MGAT5: variants seen among roughly 807,000 people sequenced by gnomAD.
The protein encoded by MGAT5 is alpha-1,6-mannosylglycoprotein 6-beta-N-acetylglucosaminyltransferase.
In MGAT5, 30 loss-of-function variants were observed where a neutral mutation model predicts 94.3. The observed-to-expected ratio is 0.32, with a 90% CI of 0.24 to 0.43. The LOEUF is 0.43. MGAT5 is among the 20% of genes least tolerant of loss of function. The pLI is 1.00. For missense variants in MGAT5, 691 were observed against 905.5 expected, an observed-to-expected ratio of 0.76 and a Z score of 3.04; for synonymous variants, 310 against 322.9, an observed-to-expected ratio of 0.96 and a Z score of 0.43.
chr2:134,284,368 G>A (rs1285773968), intron 2 of MGAT5, among the ~76,000 whole-genome samples: 1 of 152,150 alleles, frequency 6.6e-6, no homozygotes, highest in Non-Finnish European at 1.5e-5. Context: ...TTTACTTACT[G>A]TCTGTGGCTG....
chr2:134,448,958 T>A lies in MGAT5; in HGVS notation c.*111T>A. 8.7e-7 allele frequency: 1 copy of A among 1,146,174 alleles called. No individual in the cohort carries two copies. Among genetic ancestry groups the A allele is most frequent in the Non-Finnish European group, 1.2e-6 (1 of 808,318 alleles). 71.0% of individuals were successfully genotyped at this position (1,146,174 alleles called of 1,614,324 possible). ...CAGGGACTCTGGCAAGAGCCTGAAC[T>A]TTTTCGTAGAAGGTTCTGAATTGGC... On this transcript the variant is annotated 3_prime_UTR_variant, in exon 16 of 16. Transcript: ENST00000281923.
intron 13 of MGAT5, among the ~76,000 whole-genome samples, chr2:134,424,214 G>A (rs983658597): frequency 6.6e-6 from 1 of 152,146 alleles, no homozygotes; most frequent in African/African-American, 2.4e-5. Flanking sequence ...CATATATCCT[G>A]GGAGGGATAG....
At chr2:134,353,892 C>CA (rs1218850963) in intron 9 of MGAT5, among the ~76,000 whole-genome samples, 188 of 151,194 alleles carry the variant, frequency 1.2e-3, no homozygotes, top group African/African-American at 4.3e-3. Flanking sequence ...TTTGCAACAA[C>CA]AAAAAAAAAA....
At chr2:134,234,386 C>T (rs1169539077) in intron 1 of MGAT5, among the ~76,000 whole-genome samples, 1 of 152,222 alleles carries the variant, frequency 6.6e-6, no homozygotes, top group East Asian at 1.9e-4. Context: ...GAATCTCTTC[C>T]TTCAAGAAGT....
At chr2:134,392,562 G>A (rs184482620) in intron 10 of MGAT5, among the ~76,000 whole-genome samples, 7 of 152,256 alleles carry the variant, frequency 4.6e-5, no homozygotes, top group Admixed American at 1.3e-4. Flanking sequence ...GGGGAAGGAA[G>A]GAGCCCAAGA....
chr2:134,278,137 G>A (rs528371651), intron 2 of MGAT5, among the ~76,000 whole-genome samples: 3 of 152,300 alleles, frequency 2.0e-5, no homozygotes, highest in Admixed American at 6.5e-5. Flanking sequence ...TATGTTTACC[G>A]AAAATTCTTC....
rs370843114 is a variant in MGAT5 at position 134,338,347 on chromosome 2, T to C, written c.734T>C (p.Met245Thr). ...FRWMRLRIRR[M>T]ADAWIQAIKS... ...TGGATGAGACTACGGATCCGGCGAA[T>C]GGCTGACGCATGGATCCAAGCAATC... Residue 245 changes from methionine to threonine, a missense_variant, in exon 6 of 16, where the codon ATG (methionine) becomes ACG (threonine). Around this residue, in one of 4 missense-constraint regions of MGAT5, gnomAD observed 307 missense variants for 335.4 expected, o/e 0.92. Coordinates refer to ENST00000281923, the MANE Select transcript of MGAT5 (RefSeq NM_002410.5). The C allele has an allele frequency of 6.2e-7, 1 of 1,613,188 alleles. No homozygotes were observed. Among genetic ancestry groups the C allele is most frequent in the Non-Finnish European group, 8.5e-7 (1 of 1,179,508 alleles).
chr2:134,209,439 G>A (rs1490181449), intron 1 of MGAT5, among the ~76,000 whole-genome samples: 2 of 14,850 alleles, frequency 1.3e-4, no homozygotes, highest in Non-Finnish European at 1.8e-4. Flanking sequence ...AATATGTGGT[G>A]TTTGGTTTTT....
chr2:134,360,689 A>G (rs1437551121), intron 9 of MGAT5, among the ~76,000 whole-genome samples: 1 of 152,200 alleles, frequency 6.6e-6, no homozygotes, highest in Non-Finnish European at 1.5e-5. Context: ...CTCCCCGCTA[A>G]TCCTTGAAAA....
In MGAT5 at chr2:134,318,582, C is replaced by T. The variant is rs545996958; in HGVS notation, c.484-68C>T. 1.3e-5 allele frequency: 15 copies of T among 1,152,682 alleles called. No individual in the cohort carries two copies. The African/African-American group carries it at 1.4e-4, about 11-fold the overall frequency. The allele number at this position is 1,152,682 out of a possible 1,614,324, so 71.4% of individuals were successfully genotyped here. A position where few individuals can be genotyped will look rare whatever the true frequency, so the allele number is the denominator to read the frequency against. ...CACTCCATCTTCACCATTCTATCCT[C>T]GCCTTCCCTGTCAGCAGATGTGGAG... On this transcript the variant is annotated intron_variant, in intron 3 of 15. Coordinates refer to ENST00000281923, the MANE Select transcript of MGAT5 (RefSeq NM_002410.5).
intron 1 of MGAT5, among the ~76,000 whole-genome samples, chr2:134,186,865 C>G (rs1245119757): frequency 1.3e-5 from 2 of 152,154 alleles, no homozygotes; most frequent in Non-Finnish European, 2.9e-5. Context: ...ACAGGTAAAT[C>G]TGATGTCAGG....
At chr2:134,360,187 C>T (rs1239134894) in intron 9 of MGAT5, among the ~76,000 whole-genome samples, 2 of 152,246 alleles carry the variant, frequency 1.3e-5, no homozygotes, top group Non-Finnish European at 2.9e-5. Flanking sequence ...TAGAAGAGAG[C>T]TTAGATGTGA....
chr2:134,253,271 C>T (rs1682729966), upstream of MGAT5: 1 of 152,186 alleles, frequency 6.6e-6, no homozygotes, highest in African/African-American at 2.4e-5. Flanking sequence ...GGGATCGGAT[C>T]ATTGCTCAGC....
At chr2:134,343,487 A>G (rs992884249) in intron 7 of MGAT5, among the ~76,000 whole-genome samples, 3 of 152,176 alleles carry the variant, frequency 2.0e-5, no homozygotes, top group Non-Finnish European at 2.9e-5. Flanking sequence ...TAAGAAGATA[A>G]TTGTGGAAGC....
chr2:134,281,392 T>C (rs1009248330), intron 2 of MGAT5, among the ~76,000 whole-genome samples: 3 of 152,168 alleles, frequency 2.0e-5, no homozygotes, highest in Non-Finnish European at 4.4e-5. Context: ...AGGGCTCCTT[T>C]TGGGAATGTT....
At chr2:134,225,899 T>G (rs1041187675) in intron 1 of MGAT5, among the ~76,000 whole-genome samples, 1 of 152,256 alleles carries the variant, frequency 6.6e-6, no homozygotes, top group Non-Finnish European at 1.5e-5. Context: ...CTTTATATGA[T>G]AAAGACAGTT....
At chr2:134,286,616 T>A (rs1272386079) in intron 2 of MGAT5, among the ~76,000 whole-genome samples, 1 of 151,898 alleles carries the variant, frequency 6.6e-6, no homozygotes, top group Non-Finnish European at 1.5e-5. Context: ...GACGGGGTTT[T>A]ACCATGTTGG....
At chr2:134,124,715 A>C (rs1378627030) in intron 1 of MGAT5, among the ~76,000 whole-genome samples, 1 of 152,238 alleles carries the variant, frequency 6.6e-6, no homozygotes, top group African/African-American at 2.4e-5. Flanking sequence ...GTTACACCCA[A>C]GTACTTCTGT....
At chr2:134,378,893 G>A (rs1681365977) in intron 10 of MGAT5, among the ~76,000 whole-genome samples, 2 of 152,210 alleles carry the variant, frequency 1.3e-5, no homozygotes, top group Non-Finnish European at 2.9e-5. Flanking sequence ...TGGGATCATA[G>A]GCATGAGCCA....
Sources: allele counts gnomAD v4.1 joint callset (sites outside exome capture counted in the v4.1 genomes callset), GRCh38; gene constraint gnomAD v4.1.1; regional missense constraint gnomAD v4.1.1; transcripts MANE v1.5; gene names NCBI Gene and HGNC (gene_info 2026-07-23, HGNC 2026-07-21).